PCDH15: variants seen among roughly 807,000 people sequenced by gnomAD.
PCDH15 encodes the protein protocadherin-15.
In PCDH15, 129 loss-of-function variants were observed where a neutral mutation model predicts 178.5. The ratio of observed to expected loss-of-function variants is 0.72; its 90% confidence interval spans 0.63 to 0.84. The LOEUF (loss-of-function observed/expected upper bound fraction) is 0.84, where lower values mean the gene tolerates loss of function less well. PCDH15 is among the 40% of genes least tolerant of loss of function. The probability of loss-of-function intolerance (pLI) is 0.00; values close to 1 mark genes in which losing one functional copy is unlikely to be tolerated. For synonymous variants in PCDH15, 800 were observed against 732.0 expected, an observed-to-expected ratio of 1.09 and a Z score of -1.50; for missense variants, 2,230 against 2,099.9, an observed-to-expected ratio of 1.06 and a Z score of -1.21.
chr10:55,083,138 GA>G (rs1842085098), intron 2 of PCDH15, among the ~76,000 whole-genome samples: 1 of 149,842 alleles, frequency 6.7e-6, no homozygotes, highest in East Asian at 1.9e-4. Flanking sequence ...GAATATTGAT[GA>G]AAAAATTTGC....
chr10:53,865,502 AAGAAC>A (rs1180968008), intron 27 of PCDH15, among the ~76,000 whole-genome samples: 1 of 152,194 alleles, frequency 6.6e-6, no homozygotes, highest in African/African-American at 2.4e-5. Context: ...AAGGTAAGCC[AAGAAC>A]AGAAAGTTAA....
intron 2 of PCDH15, among the ~76,000 whole-genome samples, chr10:55,405,046 A>C (rs1838163271): frequency 1.3e-5 from 2 of 151,506 alleles, no homozygotes; most frequent in Non-Finnish European, 3.0e-5. Context: ...AACTTAGCAC[A>C]CATGAATAAA....
At chr10:53,942,820 T>C (rs1251913596) in intron 23 of PCDH15, among the ~76,000 whole-genome samples, 1 of 152,192 alleles carries the variant, frequency 6.6e-6, no homozygotes, top group African/African-American at 2.4e-5. Flanking sequence ...CATGCCTGGA[T>C]TCCTGACCTA....
At chr10:54,879,392 T>C (rs1954218759) in intron 3 of PCDH15, among the ~76,000 whole-genome samples, 1 of 152,138 alleles carries the variant, frequency 6.6e-6, no homozygotes, top group Non-Finnish European at 1.5e-5. Context: ...TATTACTAAC[T>C]CAAGCTTACA....
chr10:53,938,475 A>T (rs2384338), intron 25 of PCDH15, among the ~76,000 whole-genome samples: 5,365 of 152,214 alleles, frequency 0.035, 284 homozygotes, highest in African/African-American at 0.12. Context: ...CAATTTCTAG[A>T]AGTCATTCAT....
chr10:55,530,546 T>C (rs1841427274), intron 2 of PCDH15, among the ~76,000 whole-genome samples: 1 of 151,978 alleles, frequency 6.6e-6, no homozygotes, highest in African/African-American at 2.4e-5. Context: ...TTAGACATCT[T>C]TGGATGAATA....
intron 1 of PCDH15, among the ~76,000 whole-genome samples, chr10:55,284,290 C>T (rs777707477): frequency 1.5e-4 from 23 of 151,946 alleles, no homozygotes; most frequent in East Asian, 3.9e-4. Context: ...GATGGACAGC[C>T]GACTGATAGT....
chr10:54,303,496 A>G (rs1036739650), intron 8 of PCDH15, among the ~76,000 whole-genome samples: 1 of 152,096 alleles, frequency 6.6e-6, no homozygotes, highest in African/African-American at 2.4e-5. Flanking sequence ...ATGTATTGCT[A>G]TATAATAGGG....
chr10:54,538,054 T>C (rs954078646), intron 2 of PCDH15, among the ~76,000 whole-genome samples: 1 of 152,220 alleles, frequency 6.6e-6, no homozygotes, highest in African/African-American at 2.4e-5. Flanking sequence ...CTTTCTACCA[T>C]TGTGTAGGTT....
intron 26 of PCDH15, among the ~76,000 whole-genome samples, chr10:53,871,578 T>A (rs1182434795): frequency 6.6e-6 from 1 of 152,044 alleles, no homozygotes; most frequent in African/African-American, 2.4e-5. Context: ...CATTTTTTCA[T>A]ATTATGTTTA....
chr10:53,827,599 C>T (rs768989447), intron 31 of PCDH15, 51 bp from the exon 32 acceptor site: 2 of 1,607,984 alleles, frequency 1.2e-6, no homozygotes, highest in African/African-American at 2.7e-5. Context: ...AATCATAATG[C>T]TTATCAATAA....
In PCDH15 at chr10:55,436,086, C is replaced by T. The variant is rs538517722; in HGVS notation, c.-156+191539G>A. Reference sequence around the variant, plus strand: ...CAGTAGTAGTATCTGATCTCTTTAACCCTATGCTGAAAATTCTTAATTATG... The same window carrying T: ...CAGTAGTAGTATCTGATCTCTTTAATCCTATGCTGAAAATTCTTAATTATG... On this transcript the variant is annotated intron_variant, in intron 2 of 5. Transcript: ENST00000613346. Among the ~76,000 whole-genome samples the T allele has an allele frequency of 4.6e-5, 7 of 152,000 alleles. No individual in the cohort carries two copies. In the South Asian group the frequency reaches 1.5e-3, roughly 32 times the overall value.
At chr10:53,810,487 C>G in intron 37 of PCDH15, 69 bp downstream of exon 37, 2 of 1,367,702 alleles carry the variant, frequency 1.5e-6, no homozygotes, top group Non-Finnish European at 2.1e-6. Context: ...TCTACAGCCG[C>G]TAGTCACGTA....
intron 1 of PCDH15, among the ~76,000 whole-genome samples, chr10:54,735,881 G>T (rs12777065): frequency 0.21 from 22,589 of 107,752 alleles, 2,639 homozygotes; most frequent in East Asian, 0.34. Flanking sequence ...TGGGGGGAGG[G>T]GGGAGGGATA....
At chr10:54,891,446 A>G (rs1030704668) in intron 3 of PCDH15, among the ~76,000 whole-genome samples, 38 of 152,128 alleles carry the variant, frequency 2.5e-4, no homozygotes, top group Non-Finnish European at 1.3e-4. Flanking sequence ...ATGTCTGATC[A>G]ATAGTGAGAG....
intron 2 of PCDH15, among the ~76,000 whole-genome samples, chr10:55,627,054 T>A (rs1362976321): frequency 6.6e-6 from 1 of 152,054 alleles, no homozygotes; most frequent in Non-Finnish European, 1.5e-5. Flanking sequence ...GAGCTAGAGC[T>A]AGAGATAACG....
intron 2 of PCDH15, among the ~76,000 whole-genome samples, chr10:55,417,485 C>T (rs534558397): frequency 6.6e-6 from 1 of 151,500 alleles, no homozygotes; most frequent in Non-Finnish European, 1.5e-5. Flanking sequence ...GAGGTATTTG[C>T]TCATGTGTAT....
intron 2 of PCDH15, among the ~76,000 whole-genome samples, chr10:54,973,968 G>T (rs1164050987): frequency 6.6e-6 from 1 of 151,490 alleles, no homozygotes; most frequent in Non-Finnish European, 1.5e-5. Context: ...TACTAAATCA[G>T]GAAATAAAGC....
In PCDH15 at chr10:55,019,849, A is replaced by T. The variant is rs143109916; in HGVS notation, c.-79-122349T>A. ...GAAGTGGAATTATTTCTGTTTCAATACTCAACACAATGTCAATAGAATAGA... is the reference window on the plus strand; with the variant it reads ...GAAGTGGAATTATTTCTGTTTCAATTCTCAACACAATGTCAATAGAATAGA... On this transcript the variant is annotated intron_variant, in intron 2 of 5. Transcript: ENST00000458638. Among the ~76,000 whole-genome samples the T allele has an allele frequency of 5.6e-3, 848 of 152,216 alleles. 6 individuals carry two copies. Among genetic ancestry groups the T allele is most frequent in the African/African-American group, 0.019 (796 of 41,536 alleles).
Sources: allele counts gnomAD v4.1 joint callset (sites outside exome capture counted in the v4.1 genomes callset), GRCh38; gene constraint gnomAD v4.1.1; transcripts MANE v1.5; gene names NCBI Gene and HGNC (gene_info 2026-07-23, HGNC 2026-07-21).